Variants in OTOGL observed in about 807,000 individuals in gnomAD.
The protein encoded by OTOGL is otogelin-like protein.
OTOGL carries 285 observed loss-of-function variants against 318.5 expected under a neutral mutation model. The ratio of observed to expected loss-of-function variants is 0.89; its 90% CI spans 0.81 to 0.99. The LOEUF (loss-of-function observed/expected upper bound fraction) is 0.99, where lower values mean the gene tolerates loss of function less well. Ranked by LOEUF, OTOGL falls within the 50% of genes least tolerant of loss-of-function variation. The pLI, the probability that OTOGL is intolerant of heterozygous loss-of-function variation, is 0.00. For missense variants in OTOGL, 2,899 were observed against 2,845.6 expected (o/e 1.02, Z -0.43); for synonymous variants, 987 against 936.5 (o/e 1.05, Z -0.99).
At chr12:80,143,008 G>T (rs1872055620) in intron 1 of OTOGL, among the ~76,000 whole-genome samples, 1 of 152,124 alleles carries the variant, frequency 6.6e-6, no homozygotes, top group Admixed American at 6.5e-5. Context: ...TGTGCAAGAG[G>T]TGGGAAAGAT....
chr12:80,288,402 C>G lies in OTOGL; in HGVS notation c.2929-8425C>G, dbSNP rs553498270. Among the ~76,000 whole-genome samples, 476 of 152,182 alleles carry G rather than the reference C, an allele frequency of 3.1e-3. 3 individuals are homozygous for G. The highest frequency in any genetic ancestry group is 0.011 in the African/African-American group (453 of 41,526). ...TGGGGTTACTCTTCTCGAAGAGTAT[C>G]TTAGTGGTGTTCTCGTATTTCCTGA... On this transcript the variant is annotated intron_variant, in intron 26 of 58. Transcript: ENST00000547103.
intron 26 of OTOGL, among the ~76,000 whole-genome samples, chr12:80,288,183 C>G (rs1489169688): frequency 1.3e-5 from 2 of 152,128 alleles, no homozygotes; most frequent in African/African-American, 2.4e-5. Flanking sequence ...ATATGAAATT[C>G]TGGATTGAAA....
At chr12:80,164,961 A>G (rs532211431) in intron 1 of OTOGL, among the ~76,000 whole-genome samples, 131 of 152,288 alleles carry the variant, frequency 8.6e-4, no homozygotes, top group African/African-American at 2.4e-3. Flanking sequence ...TATGAAGAGG[A>G]TATTCAACAA....
chr12:80,272,309 C>T, intron 24 of OTOGL, among the ~76,000 whole-genome samples: 1 of 149,812 alleles, frequency 6.7e-6, no homozygotes, highest in Non-Finnish European at 1.5e-5. Context: ...GATTTTTCTG[C>T]AAGTTCTTTT....
Position 80,308,138 on chromosome 12 carries a change from C to T in OTOGL, c.3333+2443C>T, listed in dbSNP as rs1277265413. Among the ~76,000 whole-genome samples the T allele has an allele frequency of 4.0e-4, 59 of 146,794 alleles. 2 individuals carry two copies. In the East Asian group the frequency reaches 0.011, roughly 28 times the overall value. On this transcript the variant is annotated intron_variant, in intron 29 of 58. Transcript: ENST00000547103. ...CTCCCGGACGGGGCGGCTGGCCGGG[C>T]GGGGGGCTGACACCCCCACCTCCCT...
At chr12:80,327,346 C>A (rs1311355768) in intron 35 of OTOGL, among the ~76,000 whole-genome samples, 4 of 152,122 alleles carry the variant, frequency 2.6e-5, no homozygotes, top group African/African-American at 9.7e-5. Flanking sequence ...TTACCAAGTC[C>A]AGACATCCTA....
chr12:80,271,817 C>T lies in OTOGL; in HGVS notation c.2681+7C>T. On this transcript the variant is annotated splice_region_variant and intron_variant, in intron 24 of 58. Transcript: ENST00000547103. The stretch of plus-strand genomic sequence containing the variant: ...GCTGTGTTTGTGCTCCAGGGTAAGC[C>T]TCTTCTTCATAATACAGAACATTCA... The T allele has an allele frequency of 6.2e-7, 1 of 1,609,166 alleles. No individual in the cohort carries two copies. Among genetic ancestry groups the T allele is most frequent in the Non-Finnish European group, 8.5e-7 (1 of 1,176,966 alleles).
At chr12:80,241,525 A>G (rs1477219443) in intron 11 of OTOGL, among the ~76,000 whole-genome samples, 1 of 151,988 alleles carries the variant, frequency 6.6e-6, no homozygotes, top group Admixed American at 6.6e-5. Context: ...AGTCACATAT[A>G]TGGAATTAAA....
intron 1 of OTOGL, among the ~76,000 whole-genome samples, chr12:80,126,904 C>T (rs966780828): frequency 3.9e-5 from 6 of 152,130 alleles, no homozygotes; most frequent in African/African-American, 1.4e-4. Context: ...GTAGATCTTC[C>T]TCCACCCTTT....
rs1886637816 is a variant in OTOGL at position 80,311,598 on chromosome 12, G to T, written c.3450+871G>T. On this transcript the variant is annotated intron_variant, in intron 30 of 58. Transcript: ENST00000547103. ...ATTTTTCTATTTTTAGTAGAGACCG[G>T]GTCTCGCCATGTTGGCCAGGCTGGT... is the stretch of plus-strand genomic sequence containing the variant. Among the ~76,000 whole-genome samples, 5 of 150,744 alleles carry T rather than the reference G, an allele frequency of 3.3e-5. No individual in the cohort carries two copies. The South Asian group carries it at 1.0e-3, about 31-fold the overall frequency.
intron 28 of OTOGL, 26 bp downstream of exon 28, chr12:80,302,809 G>A (rs754061782): frequency 1.1e-5 from 16 of 1,417,078 alleles, no homozygotes; most frequent in African/African-American, 2.9e-5. Context: ...CTCCAAATGA[G>A]ATGTAATGAA....
chr12:80,126,521 T>C (rs1370395172), intron 1 of OTOGL, among the ~76,000 whole-genome samples: 1 of 152,156 alleles, frequency 6.6e-6, no homozygotes, highest in Non-Finnish European at 1.5e-5. Context: ...ATTCTGTTGA[T>C]TTGGGGTGGA....
intron 33 of OTOGL, among the ~76,000 whole-genome samples, chr12:80,319,533 G>A (rs1565981017): frequency 6.6e-6 from 1 of 152,028 alleles, no homozygotes; most frequent in Non-Finnish European, 1.5e-5. Context: ...AATTACGCTG[G>A]TTACATTTTT....
At chr12:80,327,032 T>C (rs1359389502) in intron 35 of OTOGL, among the ~76,000 whole-genome samples, 1 of 152,204 alleles carries the variant, frequency 6.6e-6, no homozygotes, top group African/African-American at 2.4e-5. Flanking sequence ...GCTAGTATAT[T>C]CTAGAGGCAG....
chr12:80,254,600 T>C, intron 15 of OTOGL, 30 bp downstream of exon 15: 1 of 1,570,238 alleles, frequency 6.4e-7, no homozygotes. Flanking sequence ...TTATAGAGAA[T>C]GTTTCAAATT....
chr12:80,308,368 G>A (rs927496758), intron 29 of OTOGL, among the ~76,000 whole-genome samples: 6 of 151,918 alleles, frequency 3.9e-5, no homozygotes, highest in African/African-American at 1.2e-4. Context: ...CATCCCGGAC[G>A]GGGCGGCAGG....
At chr12:80,377,536 T>C (rs990390852) in intron 58 of OTOGL, among the ~76,000 whole-genome samples, 3 of 152,144 alleles carry the variant, frequency 2.0e-5, no homozygotes, top group Non-Finnish European at 4.4e-5. Context: ...TGCAGTGTGC[T>C]TGAGCCATGA....
intron 44 of OTOGL, among the ~76,000 whole-genome samples, chr12:80,345,072 ATATATATTATTATATGTTATATTT>A (rs1889084853): frequency 9.3e-6 from 1 of 107,166 alleles, no homozygotes; most frequent in African/African-American, 3.6e-5. Flanking sequence ...ATATATTATA[ATATATATTATTATATGTTATATTT>A]TATATATTAT....
intron 1 of OTOGL, among the ~76,000 whole-genome samples, chr12:80,149,714 A>T (rs1565879604): frequency 6.6e-6 from 1 of 152,188 alleles, no homozygotes; most frequent in Non-Finnish European, 1.5e-5. Context: ...GCTAGCAATC[A>T]TCGAGACTCC....
Sources: gnomAD v4.1 joint callset for allele counts (sites outside exome capture counted in the v4.1 genomes callset) on GRCh38, gnomAD v4.1.1 for gene constraint, MANE v1.5 for transcripts, NCBI Gene and HGNC (gene_info 2026-07-23, HGNC 2026-07-21) for gene names.